The following DNAH11 variants were observed in gnomAD, a reference collection of about 807,000 sequenced individuals.
The protein encoded by DNAH11 is axonemal beta dynein heavy chain 11.
In DNAH11, 442 loss-of-function variants were observed where a neutral mutation model predicts 526.0. The observed-to-expected ratio is 0.84, with a 90% CI of 0.78 to 0.91. The LOEUF (loss-of-function observed/expected upper bound fraction) is 0.91. Among genes scored for constraint, DNAH11 ranks in the 40% least tolerant of loss-of-function variants. DNAH11 has a pLI of 0.00. For missense variants in DNAH11, 6,989 were observed against 5,448.7 expected (o/e 1.28, Z -8.90); for synonymous variants, 2,461 against 1,935.9 (o/e 1.27, Z -7.12).
At chr7:21,555,881 C>T (rs1247214821) in intron 2 of DNAH11, among the ~76,000 whole-genome samples, 2 of 152,124 alleles carry the variant, frequency 1.3e-5, no homozygotes, top group Non-Finnish European at 2.9e-5. Flanking sequence ...CCCAGACGGG[C>T]CCCCAAGTTT....
chr7:21,583,821 G>GAA (rs1192251524), intron 9 of DNAH11, among the ~76,000 whole-genome samples: 4 of 152,022 alleles, frequency 2.6e-5, no homozygotes, highest in Admixed American at 6.6e-5. Context: ...CAAGAAACAT[G>GAA]AAAAAAAGCT....
intron 28 of DNAH11, 132 bp downstream of exon 28, chr7:21,639,197 A>G (rs1787011652): frequency 1.8e-6 from 2 of 1,131,998 alleles, no homozygotes; most frequent in Admixed American, 5.9e-5. Context: ...TAAAATTTGT[A>G]ATGTAGCATC....
At chr7:21,793,993 C>G (rs918265182) in intron 61 of DNAH11, among the ~76,000 whole-genome samples, 2 of 152,160 alleles carry the variant, frequency 1.3e-5, no homozygotes, top group Non-Finnish European at 2.9e-5. Context: ...TTTCAAATAG[C>G]CTGTCTTTGA....
intron 2 of DNAH11, among the ~76,000 whole-genome samples, chr7:21,557,245 C>A (rs1013619733): frequency 6.6e-6 from 1 of 152,144 alleles, no homozygotes; most frequent in African/African-American, 2.4e-5. Context: ...GTCAAACTGG[C>A]AGTTTCCTAC....
At chr7:21,691,178 CTTTTTT>C (rs559356874) in intron 35 of DNAH11, among the ~76,000 whole-genome samples, 4 of 67,212 alleles carry the variant, frequency 6.0e-5, no homozygotes, top group East Asian at 8.7e-4. Context: ...TTTTTTTTTT[CTTTTTT>C]TTTTTTTAAC....
intron 65 of DNAH11, among the ~76,000 whole-genome samples, chr7:21,829,274 A>G (rs922101569): frequency 4.2e-5 from 6 of 142,938 alleles, no homozygotes; most frequent in Admixed American, 7.0e-5. Context: ...TGCTTATCTT[A>G]AAAAGCAGCT....
At chr7:21,737,407 G>A (rs966990885) in intron 46 of DNAH11, among the ~76,000 whole-genome samples, 2 of 152,180 alleles carry the variant, frequency 1.3e-5, no homozygotes, top group African/African-American at 4.8e-5. Flanking sequence ...AACCACCGAT[G>A]GTTGATCACA....
At position 21,892,525 on chromosome 7, in the gene DNAH11, G is replaced by C; in HGVS notation, c.12608G>C (p.Ser4203Thr). The C allele has an allele frequency of 6.2e-7, 1 of 1,613,940 alleles. No individual in the cohort carries two copies. The highest frequency in any genetic ancestry group is 8.5e-7 in the Non-Finnish European group (1 of 1,179,882). Residue 4203 changes from serine (S) to threonine (T), a missense_variant, in exon 77 of 82, where the codon AGC (serine) becomes ACC (threonine). Physicochemically the swap from Ser to Thr is moderately conservative, Grantham distance 58 (BLOSUM62 1). Transcript: ENST00000409508. Reference protein sequence around the residue: ...QYIEEMLPPESPALYGLHPNA... With the variant: ...QYIEEMLPPETPALYGLHPNA... ...ATAGAGGAGATGCTTCCTCCAGAAA[G>C]CCCGGCACTGTATGGCCTCCACCCA...
rs1439759435 is a variant in DNAH11 at position 21,842,439 on chromosome 7, G to C, written c.10692-105G>C. 1.2e-5 allele frequency: 11 copies of C among 945,668 alleles called. No individual in the cohort carries two copies. The African/African-American group carries it at 1.3e-4, about 11-fold the overall frequency. The allele number at this position is 945,668 out of a possible 1,614,324, so 58.6% of individuals were successfully genotyped here. A position where few individuals can be genotyped will look rare whatever the true frequency, so the allele number is the denominator to read the frequency against. On this transcript the variant is annotated intron_variant, in intron 65 of 81. Coordinates refer to ENST00000409508, the MANE Select transcript of DNAH11 (RefSeq NM_001277115.2). Reference sequence around the variant, plus strand: ...AGCTGAAAAATTCTCAATCACCTGAGCTTCTGGCCAAGGTCCATTATAAGA... The same window carrying C: ...AGCTGAAAAATTCTCAATCACCTGACCTTCTGGCCAAGGTCCATTATAAGA...
chr7:21,575,732 T>C lies in DNAH11; in HGVS notation c.1593+3759T>C, dbSNP rs959335794. Among the ~76,000 whole-genome samples the C allele has an allele frequency of 2.0e-5, 3 of 152,350 alleles. No homozygotes were observed. The East Asian group carries it at 5.8e-4, about 29-fold the overall frequency. Reference sequence around the variant, plus strand: ...AGGCATCTCTATTAAAAATTTCTTATATGATGTTCCAGAGATATTTGGTGC... The same window carrying C: ...AGGCATCTCTATTAAAAATTTCTTACATGATGTTCCAGAGATATTTGGTGC... On this transcript the variant is annotated intron_variant, in intron 8 of 81. Coordinates refer to ENST00000409508, the MANE Select transcript of DNAH11 (RefSeq NM_001277115.2).
At chr7:21,719,302 A>C (rs534841976) in intron 43 of DNAH11, among the ~76,000 whole-genome samples, 4 of 152,372 alleles carry the variant, frequency 2.6e-5, no homozygotes, top group Admixed American at 2.6e-4. Flanking sequence ...TTGAGAAATT[A>C]ATGCACTCTG....
rs190276536 is a variant in DNAH11, at chr7:21,645,055, A to G, written c.4944+5990A>G. ...CCCCTTTGGAATTCTCTCCATAGCCAATGTATAAGTTGTACAACAACATTA... is the reference window on the plus strand; with the variant it reads ...CCCCTTTGGAATTCTCTCCATAGCCGATGTATAAGTTGTACAACAACATTA... On this transcript the variant is annotated intron_variant, in intron 28 of 81. Coordinates refer to ENST00000409508, the MANE Select transcript of DNAH11 (RefSeq NM_001277115.2). 3.6e-3 allele frequency among the ~76,000 whole-genome samples: 548 copies of G among 152,318 alleles called. 3 individuals are homozygous for G. The highest frequency in any genetic ancestry group is 5.8e-3 in the Non-Finnish European group (392 of 68,032).
chr7:21,553,070 A>ATTTTTTTTTTTTTTTTTTTTTTT (rs35121910), intron 2 of DNAH11, among the ~76,000 whole-genome samples: 1 of 66,784 alleles, frequency 1.5e-5, no homozygotes, highest in African/African-American at 7.3e-5. Flanking sequence ...TATAAATGGG[A>ATTTTTTTTTTTTTTTTTTTTTTT]TTTTTTTTTT....
intron 54 of DNAH11, among the ~76,000 whole-genome samples, chr7:21,754,793 T>C (rs1302470837): frequency 1.3e-5 from 2 of 152,330 alleles, no homozygotes; most frequent in Non-Finnish European, 2.9e-5. Context: ...CCATGACCTC[T>C]TTACCTTGAG....
intron 71 of DNAH11, 145 bp downstream of exon 71, chr7:21,866,808 C>T: frequency 5.4e-6 from 5 of 919,654 alleles, no homozygotes; most frequent in Non-Finnish European, 7.8e-6. Flanking sequence ...ATAATCACTG[C>T]TACTGTTAAA....
At chr7:21,791,480 A>T (rs1185850616) in intron 61 of DNAH11, among the ~76,000 whole-genome samples, 1 of 152,228 alleles carries the variant, frequency 6.6e-6, no homozygotes, top group Non-Finnish European at 1.5e-5. Flanking sequence ...GACTGAAAAC[A>T]GAGTGCATAC....
At chr7:21,705,298 C>A (rs1784221302) in intron 38 of DNAH11, among the ~76,000 whole-genome samples, 162 bp from the exon 39 acceptor site, 1 of 152,182 alleles carries the variant, frequency 6.6e-6, no homozygotes, top group Non-Finnish European at 1.5e-5. Flanking sequence ...CCAGGAAAAA[C>A]TATACTTTTC....
chr7:21,899,221 C>T, intron 79 of DNAH11, 115 bp from the exon 80 acceptor site: 3 of 773,610 alleles, frequency 3.9e-6, no homozygotes, highest in Non-Finnish European at 7.0e-6. Flanking sequence ...TACCAGCTAG[C>T]AGTGGTATAC....
At chr7:21,769,287 G>T (rs62447167) in intron 55 of DNAH11, among the ~76,000 whole-genome samples, 6,553 of 152,258 alleles carry the variant, frequency 0.043, 183 homozygotes, top group Non-Finnish European at 0.063. Flanking sequence ...TCCAGACTTT[G>T]TAGCTGCCCA....
Sources: gnomAD v4.1 joint callset for allele counts (sites outside exome capture counted in the v4.1 genomes callset) on GRCh38, gnomAD v4.1.1 for gene constraint, MANE v1.5 for transcripts, NCBI Gene and HGNC (gene_info 2026-07-23, HGNC 2026-07-21) for gene names.